MALRD1: variants seen among roughly 807,000 people sequenced by gnomAD.
MALRD1 encodes the protein MAM and LDL-receptor class A domain-containing protein 1.
MALRD1 carries 247 observed loss-of-function variants against 242.1 expected under a neutral mutation model. The ratio of observed to expected loss-of-function variants is 1.02; its 90% CI spans 0.92 to 1.13. The LOEUF (loss-of-function observed/expected upper bound fraction) is 1.13, where lower values mean the gene tolerates loss of function less well. Ranked by LOEUF, MALRD1 falls within the 50% of genes most tolerant of loss-of-function variation. The probability of loss-of-function intolerance (pLI) is 0.00; values close to 1 mark genes in which losing one functional copy is unlikely to be tolerated. For missense variants in MALRD1, 2,989 were observed against 2,533.1 expected (o/e 1.18, Z -3.86); for synonymous variants, 995 against 866.6 (o/e 1.15, Z -2.60).
At chr10:19,694,710 A>G (rs2131830396) in intron 38 of MALRD1, among the ~76,000 whole-genome samples, 1 of 152,360 alleles carries the variant, frequency 6.6e-6, no homozygotes, top group African/African-American at 2.4e-5. Flanking sequence ...TGACCCAGCC[A>G]TCCATTACTG....
At chr10:19,466,531 G>C (rs554400042) in intron 29 of MALRD1, among the ~76,000 whole-genome samples, 1 of 152,092 alleles carries the variant, frequency 6.6e-6, no homozygotes, top group Non-Finnish European at 1.5e-5. Flanking sequence ...CACAGTTCTG[G>C]AGGCTGGAAG....
chr10:19,511,892 G>C (rs535365459), intron 31 of MALRD1, among the ~76,000 whole-genome samples: 1 of 151,890 alleles, frequency 6.6e-6, no homozygotes, highest in Admixed American at 6.6e-5. Flanking sequence ...GAGGGGAGAA[G>C]TTTTGATCCT....
chr10:19,644,042 C>T (rs756760274), intron 36 of MALRD1, among the ~76,000 whole-genome samples: 3 of 152,202 alleles, frequency 2.0e-5, no homozygotes, highest in African/African-American at 2.4e-5. Context: ...CTTGCCTCTT[C>T]GGCTTTTTAC....
intron 39 of MALRD1, among the ~76,000 whole-genome samples, chr10:19,733,622 G>C (rs1835380409): frequency 1.3e-5 from 2 of 150,538 alleles, no homozygotes; most frequent in South Asian, 4.2e-4. Flanking sequence ...TCATCTCTAG[G>C]TTCCATTCTG....
At chr10:19,581,277 G>C (rs909384336) in intron 33 of MALRD1, among the ~76,000 whole-genome samples, 90 of 151,478 alleles carry the variant, frequency 5.9e-4, no homozygotes, top group African/African-American at 1.7e-3. Flanking sequence ...GTGCAGGTTA[G>C]TTACATATGT....
At chr10:19,293,409 T>C (rs1049113412) in intron 21 of MALRD1, among the ~76,000 whole-genome samples, 1 of 152,216 alleles carries the variant, frequency 6.6e-6, no homozygotes, top group Admixed American at 6.5e-5. Context: ...ATTATCCCTC[T>C]AAACACACAA....
intron 36 of MALRD1, among the ~76,000 whole-genome samples, chr10:19,688,901 G>A (rs1198447453): frequency 6.6e-6 from 1 of 152,202 alleles, no homozygotes; most frequent in Non-Finnish European, 1.5e-5. Context: ...AGATGAAAAT[G>A]CATGTTAAAT....
intron 5 of MALRD1, among the ~76,000 whole-genome samples, chr10:19,122,127 G>C (rs1837087633): frequency 6.6e-6 from 1 of 152,208 alleles, no homozygotes; most frequent in South Asian, 2.1e-4. Context: ...AGCATGGCCA[G>C]GGAGTGATTG....
At chr10:19,180,116 A>T in intron 14 of MALRD1, among the ~76,000 whole-genome samples, 1 of 152,228 alleles carries the variant, frequency 6.6e-6, no homozygotes, top group East Asian at 1.9e-4. Flanking sequence ...GATTACCTAT[A>T]CCCGAGGTGA....
intron 29 of MALRD1, among the ~76,000 whole-genome samples, chr10:19,475,044 A>C (rs953128376): frequency 6.6e-6 from 1 of 152,240 alleles, no homozygotes; most frequent in Non-Finnish European, 1.5e-5. Flanking sequence ...GAGGCTCAGA[A>C]AGATTTGTTA....
intron 29 of MALRD1, among the ~76,000 whole-genome samples, chr10:19,477,626 C>T (rs928552050): frequency 9.9e-5 from 15 of 151,894 alleles, no homozygotes; most frequent in African/African-American, 1.5e-4. Context: ...GTTTAATAGG[C>T]GAAAGAAGGA....
intron 18 of MALRD1, among the ~76,000 whole-genome samples, chr10:19,238,429 A>ATATTATG (rs1838535270): frequency 1.3e-5 from 1 of 74,200 alleles, no homozygotes; most frequent in South Asian, 3.6e-4. Context: ...TATACATTAT[A>ATATTATG]TATAATATAT....
intron 9 of MALRD1, among the ~76,000 whole-genome samples, chr10:19,135,879 C>T (rs889891847): frequency 6.6e-6 from 1 of 152,132 alleles, no homozygotes; most frequent in African/African-American, 2.4e-5. Flanking sequence ...TTACACTTGA[C>T]CAGCAATGTG....
At chr10:19,617,593 A>C (rs1191232099) in intron 36 of MALRD1, among the ~76,000 whole-genome samples, 1 of 151,988 alleles carries the variant, frequency 6.6e-6, no homozygotes, top group Non-Finnish European at 1.5e-5. Flanking sequence ...GGTTGTCATG[A>C]GTCTTTTTAA....
At position 19,136,800 on chromosome 10, in the gene MALRD1, T is replaced by C; in HGVS notation, c.1411+19T>C. 1 of 1,222,300 alleles carries C rather than the reference T, an allele frequency of 8.2e-7. No homozygotes were observed. Among genetic ancestry groups the C allele is most frequent in the South Asian group, 4.1e-5 (1 of 24,136 alleles). The allele number at this position is 1,222,300 out of a possible 1,614,324, so 75.7% of individuals were successfully genotyped here. Reference sequence around the variant, plus strand: ...ACTTGCTGTAAGTGAGTGAATGGCTTACTAGTTTACATGCTCTAATTCAAG... The same window carrying C: ...ACTTGCTGTAAGTGAGTGAATGGCTCACTAGTTTACATGCTCTAATTCAAG... On this transcript the variant is annotated intron_variant, in intron 10 of 39. Coordinates refer to ENST00000454679, the MANE Select transcript of MALRD1 (RefSeq NM_001142308.3).
At chr10:19,121,389 T>C (rs1289912154) in intron 5 of MALRD1, among the ~76,000 whole-genome samples, 1 of 152,132 alleles carries the variant, frequency 6.6e-6, no homozygotes, top group Non-Finnish European at 1.5e-5. Flanking sequence ...ATGATATGTT[T>C]TGTGAAGTTT....
intron 5 of MALRD1, among the ~76,000 whole-genome samples, chr10:19,120,952 C>T (rs1451305220): frequency 6.6e-6 from 1 of 151,924 alleles, no homozygotes; most frequent in Non-Finnish European, 1.5e-5. Flanking sequence ...CCATGTTGGC[C>T]AGGCTGATCT....
intron 6 of MALRD1, 104 bp from the exon 7 acceptor site, chr10:19,124,420 T>C: frequency 1.1e-6 from 1 of 933,900 alleles, no homozygotes; most frequent in Non-Finnish European, 1.4e-6. Flanking sequence ...TGTGCTGATG[T>C]GTATGTGTGT....
chr10:19,575,655 C>T (rs1836782281), intron 33 of MALRD1, among the ~76,000 whole-genome samples: 1 of 152,126 alleles, frequency 6.6e-6, no homozygotes, highest in African/African-American at 2.4e-5. Flanking sequence ...TAAGAAAATG[C>T]CATTAATGTC....
Sources: allele counts gnomAD v4.1 joint callset (sites outside exome capture counted in the v4.1 genomes callset), GRCh38; gene constraint gnomAD v4.1.1; transcripts MANE v1.5; gene names NCBI Gene and HGNC (gene_info 2026-07-23, HGNC 2026-07-21).